RNF157: variants seen among roughly 807,000 people sequenced by gnomAD.
RNF157 encodes ring finger protein 157.
In RNF157, 55 loss-of-function variants were observed where a neutral mutation model predicts 88.3. The observed-to-expected ratio is 0.62, with a 90% CI of 0.50 to 0.78. The LOEUF (loss-of-function observed/expected upper bound fraction) is 0.78, where lower values mean the gene tolerates loss of function less well. Ranked by LOEUF, RNF157 falls within the 30% of genes least tolerant of loss-of-function variation. The pLI is 0.00. For missense variants in RNF157, 788 were observed against 860.8 expected, an observed-to-expected ratio of 0.92 and a Z score of 1.06; for synonymous variants, 334 against 341.2, an observed-to-expected ratio of 0.98 and a Z score of 0.23.
intron 15 of RNF157, 89 bp downstream of exon 15, chr17:76,155,473 A>T: frequency 6.6e-7 from 1 of 1,524,454 alleles, no homozygotes; most frequent in Non-Finnish European, 9.0e-7. Context: ...GGGGCTTTGC[A>T]GCCATGCATG....
At chr17:76,151,918 C>A (rs991307511) in intron 18 of RNF157, among the ~76,000 whole-genome samples, 3 of 152,212 alleles carry the variant, frequency 2.0e-5, no homozygotes, top group African/African-American at 7.2e-5. Flanking sequence ...CCTCTCTGAT[C>A]CTAGCTGAAA....
chr17:76,189,954 A>C (rs572354828), intron 2 of RNF157, among the ~76,000 whole-genome samples: 40 of 152,334 alleles, frequency 2.6e-4, no homozygotes, highest in Admixed American at 1.1e-3. Context: ...CCAGCCCTGT[A>C]GACCTTCCAG....
intron 2 of RNF157, among the ~76,000 whole-genome samples, chr17:76,209,274 C>T (rs996095296): frequency 6.6e-6 from 1 of 152,128 alleles, no homozygotes; most frequent in Admixed American, 6.6e-5. Context: ...GTTAAGGCTG[C>T]TACCTAGCAT....
intron 18 of RNF157, among the ~76,000 whole-genome samples, chr17:76,145,958 C>G (rs1450906380): frequency 6.6e-6 from 1 of 152,188 alleles, no homozygotes; most frequent in Non-Finnish European, 1.5e-5. Flanking sequence ...TTGCTACTAG[C>G]TGGTGCCATC....
At chr17:76,215,720 C>G (rs945672956) in intron 1 of RNF157, among the ~76,000 whole-genome samples, 1 of 152,056 alleles carries the variant, frequency 6.6e-6, no homozygotes, top group African/African-American at 2.4e-5. Context: ...AATCACTCAC[C>G]ACAAAGTGAG....
chr17:76,173,575 G>T, intron 3 of RNF157, 127 bp downstream of exon 3: 1 of 684,192 alleles, frequency 1.5e-6, no homozygotes. Flanking sequence ...CCTGTCTGAG[G>T]CCCAGAGAAG....
chr17:76,180,766 T>A (rs1311765965), intron 2 of RNF157, among the ~76,000 whole-genome samples: 1 of 152,154 alleles, frequency 6.6e-6, no homozygotes, highest in Non-Finnish European at 1.5e-5. Context: ...ACATGAAATT[T>A]ACTATCTCAA....
At chr17:76,238,141 C>T (rs188289566) in intron 1 of RNF157, among the ~76,000 whole-genome samples, 1 of 151,676 alleles carries the variant, frequency 6.6e-6, no homozygotes. Flanking sequence ...TGGCCAAACT[C>T]TGTCAACGGT....
chr17:76,174,625 A>G (rs1038794217), intron 2 of RNF157, among the ~76,000 whole-genome samples: 7 of 152,340 alleles, frequency 4.6e-5, no homozygotes, highest in African/African-American at 1.7e-4. Context: ...GCTTTGCAAA[A>G]CTGTGGTTCT....
chr17:76,222,385 A>C (rs896715231), intron 1 of RNF157, among the ~76,000 whole-genome samples: 2 of 151,792 alleles, frequency 1.3e-5, no homozygotes, highest in African/African-American at 4.8e-5. Flanking sequence ...GAGGTAGTGG[A>C]TTGTGCAACA....
At chr17:76,194,191 T>C (rs960488405) in intron 2 of RNF157, among the ~76,000 whole-genome samples, 1 of 152,142 alleles carries the variant, frequency 6.6e-6, no homozygotes, top group Admixed American at 6.6e-5. Flanking sequence ...AACATTTCCA[T>C]TACCCCCACA....
chr17:76,235,199 CTTT>C (rs537829366), intron 1 of RNF157, among the ~76,000 whole-genome samples: 3 of 141,272 alleles, frequency 2.1e-5, no homozygotes, highest in African/African-American at 5.2e-5. Context: ...TAGTAGGTTA[CTTT>C]TTTTTTTTTT....
chr17:76,201,251 T>C (rs6501861), intron 2 of RNF157, among the ~76,000 whole-genome samples: 26,567 of 148,188 alleles, frequency 0.18, 6,010 homozygotes, highest in African/African-American at 0.54. Context: ...TTTGGGAGGC[T>C]GAGGCAGGAG....
intron 2 of RNF157, among the ~76,000 whole-genome samples, chr17:76,183,735 T>C (rs1252800291): frequency 8.0e-6 from 1 of 124,788 alleles, no homozygotes; most frequent in African/African-American, 3.3e-5. Flanking sequence ...TCCTTTATCA[T>C]TCAATTATTC....
rs1344005107 is a variant in RNF157 at position 76,155,578 on chromosome 17, G to A, written c.1682C>T (p.Pro561Leu). 1 of 1,612,480 alleles carries A rather than the reference G, an allele frequency of 6.2e-7. No homozygotes were observed. The highest frequency in any genetic ancestry group is 8.5e-7 in the Non-Finnish European group (1 of 1,179,558). ...LSSPQPASRAPSEEGEGLPAE... is the reference protein window; with the variant it reads ...LSSPQPASRALSEEGEGLPAE... ...TTCCCTTACCTCTCCTTCTTCTGAG[G>A]GGGCCCTGCTGGCAGGCTGGGGGGA... The change falls in exon 15 of 19, where the codon CCC becomes CTC. Residue 561 changes from proline (P) to leucine (L), a missense_variant. Pro to Leu is a moderately conservative substitution (Grantham distance 98). Coordinates refer to ENST00000269391, the MANE Select transcript of RNF157 (RefSeq NM_052916.3).
intron 1 of RNF157, among the ~76,000 whole-genome samples, chr17:76,237,502 T>C (rs895337242): frequency 6.6e-6 from 1 of 152,202 alleles, no homozygotes; most frequent in Non-Finnish European, 1.5e-5. Flanking sequence ...GATTCCTCTA[T>C]AGGGACTTCA....
rs531183463 is a variant in RNF157, at chr17:76,195,221, G to C, written c.207+17143C>G. On this transcript the variant is annotated intron_variant, in intron 2 of 18. Coordinates refer to ENST00000269391, the MANE Select transcript of RNF157 (RefSeq NM_052916.3). The surrounding 1 kb of genome is among the most constrained non-coding windows in gnomAD (Gnocchi z 4.4). The stretch of plus-strand genomic sequence containing the variant: ...TGTAGGTCCTCCTACAAGCGGGGTA[G>C]AGCAAGGCTGGAAACAGGAGACTGG... Among the ~76,000 whole-genome samples the C allele has an allele frequency of 6.6e-6, 1 of 151,940 alleles. No homozygotes were observed. The highest frequency in any genetic ancestry group is 1.5e-5 in the Non-Finnish European group (1 of 67,952).
intron 6 of RNF157, among the ~76,000 whole-genome samples, chr17:76,165,901 C>T (rs1448790411): frequency 3.9e-5 from 6 of 152,118 alleles, no homozygotes; most frequent in African/African-American, 1.4e-4. Context: ...TGGTCTCAAA[C>T]TCTTGACTTC....
At chr17:76,148,261 CTTTTT>C (rs56231427) in intron 18 of RNF157, among the ~76,000 whole-genome samples, 4 of 121,176 alleles carry the variant, frequency 3.3e-5, no homozygotes, top group Non-Finnish European at 6.7e-5. Flanking sequence ...TTATCTTTGC[CTTTTT>C]TTTTTTTTTT....
Sources: gnomAD v4.1 joint callset for allele counts (sites outside exome capture counted in the v4.1 genomes callset) on GRCh38, gnomAD v4.1.1 for gene constraint, Gnocchi (gnomAD v3.1) non-coding constraint, MANE v1.5 for transcripts, NCBI Gene and HGNC (gene_info 2026-07-23, HGNC 2026-07-21) for gene names.